The following NT5C2 variants were observed in gnomAD, a reference collection of about 807,000 sequenced individuals.
NT5C2 encodes cytosolic purine 5'-nucleotidase.
Under a neutral mutation model 76.1 loss-of-function variants are expected in NT5C2, and 58 were observed. The ratio of observed to expected loss-of-function variants is 0.76; its 90% CI spans 0.62 to 0.95. The LOEUF is 0.95. Among genes scored for constraint, NT5C2 ranks in the 40% least tolerant of loss-of-function variants. NT5C2 has a pLI of 0.00. For missense variants in NT5C2, 478 were observed against 690.3 expected, an observed-to-expected ratio of 0.69 and a Z score of 3.45; for synonymous variants, 229 against 237.4, an observed-to-expected ratio of 0.96 and a Z score of 0.32.
At chr10:103,143,290 A>G (rs2080869294) in intron 3 of NT5C2, among the ~76,000 whole-genome samples, 1 of 152,182 alleles carries the variant, frequency 6.6e-6, no homozygotes, top group Non-Finnish European at 1.5e-5. Context: ...CCCATCAGTG[A>G]TCTAGGTCAA....
At chr10:103,188,302 A>C (rs2092290767) in intron 1 of NT5C2, among the ~76,000 whole-genome samples, 2 of 152,082 alleles carry the variant, frequency 1.3e-5, no homozygotes, top group Non-Finnish European at 2.9e-5. Context: ...AAGTTGCAGT[A>C]AGCAGAGATC....
chr10:103,169,809 C>A (rs909200293), intron 3 of NT5C2, among the ~76,000 whole-genome samples: 5 of 151,786 alleles, frequency 3.3e-5, no homozygotes, highest in Non-Finnish European at 7.4e-5. Flanking sequence ...AGTGAGACCA[C>A]ATCTCTAGAA....
At chr10:103,189,756 C>T (rs1361939797) in intron 1 of NT5C2, among the ~76,000 whole-genome samples, 1 of 151,188 alleles carries the variant, frequency 6.6e-6, no homozygotes, top group Admixed American at 6.6e-5. Context: ...GCAACCTCTG[C>T]CTCCCAGGTT....
chr10:103,134,388 T>C (rs919132029), intron 4 of NT5C2, among the ~76,000 whole-genome samples: 4 of 152,310 alleles, frequency 2.6e-5, no homozygotes, highest in African/African-American at 7.2e-5. Context: ...GGGGCCAATA[T>C]AGAGCTCGGG....
intron 3 of NT5C2, among the ~76,000 whole-genome samples, chr10:103,148,335 G>T (rs1208563199): frequency 2.0e-5 from 3 of 152,206 alleles, no homozygotes; most frequent in Non-Finnish European, 4.4e-5. Flanking sequence ...GGGTGCGGTG[G>T]CTCACGCCTG....
chr10:103,129,770 G>C (rs1246808836), intron 4 of NT5C2, among the ~76,000 whole-genome samples: 2 of 95,026 alleles, frequency 2.1e-5, no homozygotes, highest in Non-Finnish European at 4.3e-5. Flanking sequence ...TCAGCCCCCC[G>C]CCCGGCCAGC....
At chr10:103,153,564 A>C in intron 3 of NT5C2, 1 of 985,398 alleles carries the variant, frequency 1.0e-6, no homozygotes, top group Non-Finnish European at 1.2e-6. Context: ...TGAACTGTTT[A>C]AGGCTGGCCA....
chr10:103,174,937 G>A lies in NT5C2; in HGVS notation c.22C>T (p.Arg8Trp), dbSNP rs762409585. 2.5e-6 allele frequency: 4 copies of A among 1,610,208 alleles called. No individual in the cohort carries two copies. The highest frequency in any genetic ancestry group is 2.5e-6 in the Non-Finnish European group (3 of 1,176,640). The change falls in exon 3 of 19, where the codon CGG (arginine) becomes TGG (tryptophan). Residue 8 changes from arginine to tryptophan, a missense_variant. Transcript: ENST00000404739. ...GGCATATCTGCTGCATTCTGTAACC[G>A]ATCACTCCAGGAGGTTGACATTTTA... MSTSWSD[R>W]LQNAADMPAN...
At chr10:103,100,425 TTC>T (rs2069278306) in intron 8 of NT5C2, among the ~76,000 whole-genome samples, 1 of 152,206 alleles carries the variant, frequency 6.6e-6, no homozygotes, top group African/African-American at 2.4e-5. Context: ...TTTTATTTAG[TTC>T]AGTGACTCAG....
At chr10:103,144,202 G>C (rs771866925) in intron 3 of NT5C2, among the ~76,000 whole-genome samples, 1 of 152,156 alleles carries the variant, frequency 6.6e-6, no homozygotes, top group Non-Finnish European at 1.5e-5. Context: ...GAGCCAACTG[G>C]ATCAAATCCT....
intron 3 of NT5C2, among the ~76,000 whole-genome samples, chr10:103,147,745 A>G (rs1332438484): frequency 2.0e-5 from 3 of 152,228 alleles, no homozygotes; most frequent in African/African-American, 7.2e-5. Flanking sequence ...AGCAGACACA[A>G]TATTTAACTG....
chr10:103,191,609 C>A (rs911804198), intron 1 of NT5C2, among the ~76,000 whole-genome samples: 1 of 152,160 alleles, frequency 6.6e-6, no homozygotes, highest in Non-Finnish European at 1.5e-5. Flanking sequence ...AATCTTCTTA[C>A]AATTACAAAC....
intron 4 of NT5C2, among the ~76,000 whole-genome samples, chr10:103,125,755 CA>C (rs2076540327): frequency 6.6e-6 from 1 of 152,094 alleles, no homozygotes; most frequent in Non-Finnish European, 1.5e-5. Flanking sequence ...TGAAATTTAC[CA>C]ATTCTGTTTT....
chr10:103,169,855 G>A (rs1157995749), intron 3 of NT5C2, among the ~76,000 whole-genome samples: 1 of 151,966 alleles, frequency 6.6e-6, no homozygotes, highest in African/African-American at 2.4e-5. Context: ...GGCTAGGCAT[G>A]GTGGCTCACG....
At chr10:103,164,917 G>C (rs2085987159) in intron 3 of NT5C2, among the ~76,000 whole-genome samples, 1 of 152,118 alleles carries the variant, frequency 6.6e-6, no homozygotes. Flanking sequence ...AAGAAGTATA[G>C]AGGGAATGGT....
chr10:103,139,405 C>G lies in NT5C2; in HGVS notation c.175+1G>C. ...TTAAGCAATCAGAAATTGCTACTCA[C>G]CAGCAAGGGTATAATCCATATCAAA... On this transcript the variant is annotated splice_donor_variant, in intron 4 of 18. Coordinates refer to ENST00000404739, the MANE Select transcript of NT5C2 (RefSeq NM_001351169.2). LOFTEE classifies it high-confidence loss of function. 3.2e-6 allele frequency: 5 copies of G among 1,570,124 alleles called. No homozygotes were observed. The highest frequency in any genetic ancestry group is 4.3e-6 in the Non-Finnish European group (5 of 1,154,550).
chr10:103,139,440 CTT>C lies in NT5C2; in HGVS notation c.139_140del (p.Lys47ValfsTer5). Reference sequence around the variant, plus strand: ...TATAATCCATATCAAAACCAAAACACTTTATCTTTTCCATTGCTAAACTTCGG... The same window carrying C: ...TATAATCCATATCAAAACCAAAACACTATCTTTTCCATTGCTAAACTTCGG... ...VNRSLAMEKI[K>X]CFGFDMDYTL... On this transcript the variant is annotated frameshift_variant, in exon 4 of 19. Coordinates refer to ENST00000404739, the MANE Select transcript of NT5C2 (RefSeq NM_001351169.2). LOFTEE classifies it high-confidence loss of function. 1 of 1,583,038 alleles carries C rather than the reference CTT, an allele frequency of 6.3e-7. No individual in the cohort carries two copies. The highest frequency in any genetic ancestry group is 8.6e-7 in the Non-Finnish European group (1 of 1,161,232).
At chr10:103,143,079 A>C (rs1307425307) in intron 3 of NT5C2, among the ~76,000 whole-genome samples, 1 of 152,116 alleles carries the variant, frequency 6.6e-6, no homozygotes, top group Non-Finnish European at 1.5e-5. Context: ...TATCCTTTCC[A>C]CTTGATCCTC....
chr10:103,155,261 T>A (rs115915120), intron 3 of NT5C2, among the ~76,000 whole-genome samples: 2,256 of 152,298 alleles, frequency 0.015, 23 homozygotes, highest in Non-Finnish European at 0.026. Flanking sequence ...GACATATAGA[T>A]CCTCTTGGCT....
Sources: gnomAD v4.1 joint callset for allele counts (sites outside exome capture counted in the v4.1 genomes callset) on GRCh38, gnomAD v4.1.1 for gene constraint, MANE v1.5 for transcripts, NCBI Gene and HGNC (gene_info 2026-07-23, HGNC 2026-07-21) for gene names.